The following DAPK1 variants were observed in gnomAD, a reference collection of about 807,000 sequenced individuals.
The protein encoded by DAPK1 is death-associated protein kinase 1.
Under a neutral mutation model 144.9 loss-of-function variants are expected in DAPK1, and 56 were observed. That is an observed-to-expected ratio of 0.39 (90% CI 0.31 to 0.48). The LOEUF is 0.48. Ranked by LOEUF, DAPK1 falls within the 20% of genes least tolerant of loss-of-function variation. DAPK1 has a pLI of 0.95. For missense variants in DAPK1, 1,454 were observed against 1,875.4 expected, an observed-to-expected ratio of 0.78 and a Z score of 4.15; for synonymous variants, 690 against 749.0, an observed-to-expected ratio of 0.92 and a Z score of 1.29.
chr9:87,508,072 G>T (rs1824677567), intron 2 of DAPK1, among the ~76,000 whole-genome samples: 1 of 152,120 alleles, frequency 6.6e-6, no homozygotes, highest in Non-Finnish European at 1.5e-5. Context: ...GAGTGCAGTG[G>T]CATGCTCTTG....
intron 2 of DAPK1, among the ~76,000 whole-genome samples, chr9:87,572,386 A>G (rs1827393702): frequency 6.6e-6 from 1 of 152,142 alleles, no homozygotes; most frequent in African/African-American, 2.4e-5. Context: ...TCAAATTTCA[A>G]TGTGCTTATG....
At chr9:87,580,554 C>G (rs1439573379) in intron 2 of DAPK1, among the ~76,000 whole-genome samples, 2 of 152,136 alleles carry the variant, frequency 1.3e-5, no homozygotes, top group Non-Finnish European at 2.9e-5. Flanking sequence ...GAATTCTATC[C>G]TTTATCTCTT....
chr9:87,690,843 A>T (rs1825030743), intron 21 of DAPK1, among the ~76,000 whole-genome samples: 1 of 151,806 alleles, frequency 6.6e-6, no homozygotes, highest in Admixed American at 6.6e-5. Flanking sequence ...GATGTGGTGT[A>T]TTATGTCAAC....
At chr9:87,530,334 G>C (rs1825658458) in intron 2 of DAPK1, among the ~76,000 whole-genome samples, 1 of 152,184 alleles carries the variant, frequency 6.6e-6, no homozygotes, top group African/African-American at 2.4e-5. Context: ...ACCAACACAG[G>C]CTGTATTACC....
At chr9:87,543,700 A>C (rs1449630294) in intron 2 of DAPK1, among the ~76,000 whole-genome samples, 1 of 152,240 alleles carries the variant, frequency 6.6e-6, no homozygotes, top group Admixed American at 6.5e-5. Flanking sequence ...CTTTTTAAAT[A>C]TCTACATTAA....
intron 21 of DAPK1, among the ~76,000 whole-genome samples, chr9:87,692,898 T>C (rs528304601): frequency 5.6e-4 from 84 of 149,772 alleles, no homozygotes; most frequent in African/African-American, 2.0e-3. Flanking sequence ...CAGTAGAATT[T>C]CTGCTGAGAA....
chr9:87,576,604 C>T (rs1827571435), intron 2 of DAPK1, among the ~76,000 whole-genome samples: 1 of 152,200 alleles, frequency 6.6e-6, no homozygotes, highest in Admixed American at 6.5e-5. Flanking sequence ...ATTTCCCAGG[C>T]TGGAGTGCAA....
In DAPK1 at chr9:87,652,871, G is replaced by A. The variant is rs180880371; in HGVS notation, c.1824+1147G>A. Among the ~76,000 whole-genome samples, 465 of 134,060 alleles carry A rather than the reference G, an allele frequency of 3.5e-3. 20 individuals are homozygous for A. The highest frequency in any genetic ancestry group is 0.03 in the Admixed American group (392 of 13,076). The allele number at this position is 134,060 out of a possible 152,430, so 87.9% of individuals were successfully genotyped here. A position where few individuals can be genotyped will look rare whatever the true frequency, so the allele number is the denominator to read the frequency against. On this transcript the variant is annotated intron_variant, in intron 17 of 25. Coordinates refer to ENST00000408954, the MANE Select transcript of DAPK1 (RefSeq NM_004938.4). ...ATTCTGTGTCCATCCCCCCGATCCC[G>A]GGTCCTGATTCTGTGTGCTCCCACC... is the stretch of plus-strand genomic sequence containing the variant.
chr9:87,557,313 A>T (rs1424793938), intron 2 of DAPK1, among the ~76,000 whole-genome samples: 1 of 152,198 alleles, frequency 6.6e-6, no homozygotes, highest in Non-Finnish European at 1.5e-5. Flanking sequence ...TGGCCCTGTC[A>T]GGGGAGACCC....
At position 87,543,417 on chromosome 9, in the gene DAPK1, AT is replaced by A. The variant is rs567486823; in HGVS notation, c.62+44279del. Among the ~76,000 whole-genome samples the A allele has an allele frequency of 4.6e-5, 7 of 152,354 alleles. No individual in the cohort carries two copies. The East Asian group carries it at 1.3e-3, about 29-fold the overall frequency. ...TAATAATAGTTGAATATGACTATGA[AT>A]CATTTTGAGTGCAGTTTCTTTAAAA... On this transcript the variant is annotated intron_variant, in intron 2 of 25. Coordinates refer to ENST00000408954, the MANE Select transcript of DAPK1 (RefSeq NM_004938.4).
chr9:87,549,670 G>A (rs963915018), intron 2 of DAPK1, among the ~76,000 whole-genome samples: 2 of 152,056 alleles, frequency 1.3e-5, no homozygotes, highest in East Asian at 1.9e-4. Context: ...ATGTCCCCTC[G>A]CCCCTCCTTT....
At chr9:87,647,252 A>G (rs1360865833) in intron 13 of DAPK1, 53 bp from the exon 14 acceptor site, 4 of 1,414,254 alleles carry the variant, frequency 2.8e-6, no homozygotes, top group East Asian at 2.3e-5. Flanking sequence ...GAATGCATGC[A>G]TCTGGTGCTG....
intron 3 of DAPK1, among the ~76,000 whole-genome samples, chr9:87,613,357 C>T (rs1828993325): frequency 6.6e-6 from 1 of 152,154 alleles, no homozygotes; most frequent in Non-Finnish European, 1.5e-5. Context: ...TTGAACAACT[C>T]CTTTTTAGCT....
chr9:87,570,333 G>C lies in DAPK1; in HGVS notation c.63-34621G>C, dbSNP rs565106195. Among the ~76,000 whole-genome samples, 104 of 152,242 alleles carry C rather than the reference G, an allele frequency of 6.8e-4. 4 individuals carry two copies. In the South Asian group the frequency reaches 0.021, roughly 31 times the overall value. On this transcript the variant is annotated intron_variant, in intron 2 of 25. Coordinates refer to ENST00000408954, the MANE Select transcript of DAPK1 (RefSeq NM_004938.4). Reference sequence around the variant, plus strand: ...CTTTGTCTAATTATTAACACAGAGAGGTACTAGAAGTTGTCCATTAGCAAA... The same window carrying C: ...CTTTGTCTAATTATTAACACAGAGACGTACTAGAAGTTGTCCATTAGCAAA...
Position 87,499,048 on chromosome 9 carries a change from C to G in DAPK1, c.-30C>G, listed in dbSNP as rs370887788. 6.2e-7 allele frequency: 1 copy of G among 1,611,550 alleles called. No homozygotes were observed. Among genetic ancestry groups the G allele is most frequent in the African/African-American group, 1.3e-5 (1 of 74,810 alleles). The stretch of plus-strand genomic sequence containing the variant: ...GTCTGGGAAGCGGAGCTGAAGTGCC[C>G]TGGGCTTTGGTGAGGCGTGACAGTT... On this transcript the variant is annotated 5_prime_UTR_variant, in exon 2 of 26. Transcript: ENST00000408954.
intron 2 of DAPK1, among the ~76,000 whole-genome samples, chr9:87,600,665 G>A (rs1046252235): frequency 6.6e-6 from 1 of 152,192 alleles, no homozygotes; most frequent in African/African-American, 2.4e-5. Flanking sequence ...AGGATCACTT[G>A]TACTGCTTTA....
At chr9:87,674,926 T>C (rs1405310531) in intron 19 of DAPK1, among the ~76,000 whole-genome samples, 1 of 152,186 alleles carries the variant, frequency 6.6e-6, no homozygotes, top group East Asian at 1.9e-4. Context: ...CAAATAACAT[T>C]CATTCACTCA....
At chr9:87,555,506 A>ATT (rs71371248) in intron 2 of DAPK1, among the ~76,000 whole-genome samples, 23 of 148,040 alleles carry the variant, frequency 1.6e-4, no homozygotes, top group African/African-American at 2.2e-4. Flanking sequence ...TTATTTAGTT[A>ATT]TTTTTTTTTT....
chr9:87,617,237 T>G (rs1406784017), intron 3 of DAPK1, among the ~76,000 whole-genome samples: 1 of 152,210 alleles, frequency 6.6e-6, no homozygotes, highest in Admixed American at 6.5e-5. Flanking sequence ...TTTGGAAGCA[T>G]GATCCCCTTT....
Sources: gnomAD v4.1 joint callset for allele counts (sites outside exome capture counted in the v4.1 genomes callset) on GRCh38, gnomAD v4.1.1 for gene constraint, MANE v1.5 for transcripts, NCBI Gene and HGNC (gene_info 2026-07-23, HGNC 2026-07-21) for gene names.